Variants in CHFR observed in about 807,000 individuals in gnomAD.
The protein encoded by CHFR is checkpoint with forkhead and ring finger domains.
CHFR carries 57 observed loss-of-function variants against 87.6 expected under a neutral mutation model. The ratio of observed to expected loss-of-function variants is 0.65; its 90% confidence interval spans 0.53 to 0.81. The LOEUF (loss-of-function observed/expected upper bound fraction) is 0.81. CHFR is among the 30% of genes least tolerant of loss of function. CHFR has a pLI of 0.00. For missense variants in CHFR, 797 were observed against 865.8 expected (o/e 0.92, Z 1.00); for synonymous variants, 381 against 359.2 (o/e 1.06, Z -0.69).
Position 132,837,006 on chromosome 12 carries a change from G to A in CHFR, c.*4548C>T. On this transcript the variant is annotated 3_prime_UTR_variant, in exon 18 of 18. Coordinates refer to ENST00000450056, the MANE Select transcript of CHFR (RefSeq NM_001161346.2). The stretch of plus-strand genomic sequence containing the variant: ...TGCTGGGGGGAAACTAGACTGGCTG[G>A]CGGGGTGGGGGCAGCCCTGCAGGAG... The A allele has an allele frequency of 2.8e-6, 1 of 355,134 alleles. No individual in the cohort carries two copies. The highest frequency in any genetic ancestry group is 5.5e-6 in the Non-Finnish European group (1 of 180,864). 22.0% of individuals were successfully genotyped at this position (355,134 alleles called of 1,614,324 possible).
At chr12:132,877,129 G>A (rs1335036969) in intron 3 of CHFR, among the ~76,000 whole-genome samples, 3 of 151,908 alleles carry the variant, frequency 2.0e-5, no homozygotes, top group Non-Finnish European at 4.4e-5. Context: ...ACGCATATAC[G>A]ATAGGAGTCC....
chr12:132,858,201 TA>T (rs1417884326), intron 8 of CHFR, among the ~76,000 whole-genome samples: 1 of 151,860 alleles, frequency 6.6e-6, no homozygotes, highest in Non-Finnish European at 1.5e-5. Flanking sequence ...CTACTAAAAA[TA>T]CAAAAAAATT....
intron 2 of CHFR, 117 bp downstream of exon 2, chr12:132,887,079 G>T: frequency 2.4e-6 from 2 of 825,750 alleles, no homozygotes; most frequent in Non-Finnish European, 3.5e-6. Context: ...GTTCTTACAT[G>T]ACATTTCACT....
Position 132,869,757 on chromosome 12 carries a change from C to T in CHFR, c.445G>A (p.Val149Ile), listed in dbSNP as rs1951441794. 6.4e-7 allele frequency: 1 copy of T among 1,551,422 alleles called. No individual in the cohort carries two copies. The highest frequency in any genetic ancestry group is 8.7e-7 in the Non-Finnish European group (1 of 1,146,970). The change falls in exon 6 of 18, where the codon GTC becomes ATC. Residue 149 changes from valine to isoleucine, a missense_variant. Transcript: ENST00000450056. ...AGAGRGADPR[V>I]PPSSPATQVC... ...TGAGTGGCGGGCGACGACGGAGGGA[C>T]CCGGGGATCGGCCCCTCGCCCTGCA... is the stretch of plus-strand genomic sequence containing the variant.
intron 6 of CHFR, among the ~76,000 whole-genome samples, chr12:132,864,638 G>A (rs1017470238): frequency 5.9e-5 from 9 of 152,102 alleles, no homozygotes; most frequent in South Asian, 2.1e-4. Context: ...ACAGGCGCCC[G>A]CAACCACACT....
In CHFR at chr12:132,836,972, A is replaced by C; in HGVS notation, c.*4582T>G. The stretch of plus-strand genomic sequence containing the variant: ...GGTAAACAGATGTTTCCTTTCCGAT[A>C]GTGACAGGTGCTGGGGGGAAACTAG... On this transcript the variant is annotated 3_prime_UTR_variant, in exon 18 of 18. Transcript: ENST00000450056. 2.8e-6 allele frequency: 1 copy of C among 361,864 alleles called. No individual in the cohort carries two copies. The highest frequency in any genetic ancestry group is 2.1e-5 in the South Asian group (1 of 48,668). The allele number at this position is 361,864 out of a possible 1,614,324, so 22.4% of individuals were successfully genotyped here.
intron 3 of CHFR, among the ~76,000 whole-genome samples, chr12:132,875,902 C>T (rs1030142426): frequency 6.6e-6 from 1 of 151,700 alleles, no homozygotes; most frequent in African/African-American, 2.4e-5. Context: ...TGGCCGGGCG[C>T]GATGGCTCAC....
At chr12:132,843,996 T>G in intron 16 of CHFR, 31 bp downstream of exon 16, 2 of 1,394,316 alleles carry the variant, frequency 1.4e-6, no homozygotes, top group Non-Finnish European at 1.0e-6. Context: ...CAGACAGAAC[T>G]AGAGCCATGA....
intron 6 of CHFR, 47 bp from the exon 7 acceptor site, chr12:132,861,681 G>C (rs779770632): frequency 1.6e-5 from 26 of 1,579,280 alleles, no homozygotes; most frequent in Non-Finnish European, 1.6e-5. Flanking sequence ...TCCAGCTCAG[G>C]AGAGAACCAT....
At chr12:132,871,285 G>A (rs1023481254) in intron 4 of CHFR, among the ~76,000 whole-genome samples, 12 of 151,174 alleles carry the variant, frequency 7.9e-5, no homozygotes, top group African/African-American at 2.7e-4. Flanking sequence ...AACCCTGTCT[G>A]TACTAAAAAT....
At chr12:132,847,442 C>T in intron 14 of CHFR, 1 of 1,140,148 alleles carries the variant, frequency 8.8e-7, no homozygotes, top group African/African-American at 1.6e-5. Context: ...CACAGCCCAG[C>T]AACGAGCCCA....
chr12:132,855,290 T>C (rs991274323), intron 10 of CHFR, among the ~76,000 whole-genome samples: 2 of 149,074 alleles, frequency 1.3e-5, no homozygotes, highest in Non-Finnish European at 3.0e-5. Context: ...AGTTTGGTGG[T>C]GCATGCCTGT....
At chr12:132,873,173 G>A (rs1008891613) in intron 3 of CHFR, among the ~76,000 whole-genome samples, 19 of 152,194 alleles carry the variant, frequency 1.2e-4, no homozygotes, top group Non-Finnish European at 2.5e-4. Context: ...CCCCAGCAGT[G>A]GACAGAACTC....
At chr12:132,846,420 G>A (rs1033367827) in intron 15 of CHFR, among the ~76,000 whole-genome samples, 9 of 151,784 alleles carry the variant, frequency 5.9e-5, no homozygotes, top group African/African-American at 1.5e-4. Flanking sequence ...CCGCCACCAC[G>A]CCCGGCTAAT....
chr12:132,858,400 A>G (rs1471775742), intron 8 of CHFR, among the ~76,000 whole-genome samples: 26 of 151,506 alleles, frequency 1.7e-4, no homozygotes, highest in Admixed American at 1.6e-3. Flanking sequence ...CCCGGGCTAC[A>G]TGGCGAAACC....
chr12:132,866,349 A>G (rs1235583173), intron 6 of CHFR: 1 of 152,132 alleles, frequency 6.6e-6, no homozygotes, highest in African/African-American at 2.4e-5. Flanking sequence ...GTTACAACAC[A>G]CTGGAATGTT....
At position 132,835,694 on chromosome 12, in the gene CHFR, TTC is replaced by T. The variant is rs1431602410; in HGVS notation, c.*5858_*5859del. 4.0e-5 allele frequency: 9 copies of T among 227,664 alleles called. No individual in the cohort carries two copies. Among genetic ancestry groups the T allele is most frequent in the Non-Finnish European group, 8.0e-5 (9 of 112,358 alleles). 14.1% of individuals were successfully genotyped at this position (227,664 alleles called of 1,614,324 possible). ...GGCCCCAGAACTGTGAGAAAATACT[TTC>T]TGTTGTTTAAGCCGCCTGTTCTGCG... On this transcript the variant is annotated 3_prime_UTR_variant, in exon 18 of 18. Transcript: ENST00000450056.
In CHFR at chr12:132,869,627, G is replaced by T; in HGVS notation, c.575C>A (p.Ser192Tyr). 1.3e-6 allele frequency: 2 copies of T among 1,551,574 alleles called. No individual in the cohort carries two copies. The highest frequency in any genetic ancestry group is 1.7e-6 in the Non-Finnish European group (2 of 1,146,922). The change falls in exon 6 of 18, where the codon TCC becomes TAC. Residue 192 changes from serine to tyrosine, a missense_variant. Ser to Tyr is a moderately radical substitution (Grantham distance 144). Coordinates refer to ENST00000450056, the MANE Select transcript of CHFR (RefSeq NM_001161346.2). Reference protein sequence around the residue: ...EPSPAGRERSSSCGSGGGGIS... With the variant: ...EPSPAGRERSYSCGSGGGGIS... The stretch of plus-strand genomic sequence containing the variant: ...ATGAGATGTGACCTCACCACAACTG[G>T]AGGAACGCTCTCGCCCTGCAGGAGA...
chr12:132,864,137 T>C (rs1951277572), intron 6 of CHFR, among the ~76,000 whole-genome samples: 5 of 150,968 alleles, frequency 3.3e-5, no homozygotes, highest in Admixed American at 2.0e-4. Context: ...GCATAATACA[T>C]ATCTAGCTTA....
Sources: gnomAD v4.1 joint callset for allele counts (sites outside exome capture counted in the v4.1 genomes callset) on GRCh38, gnomAD v4.1.1 for gene constraint, MANE v1.5 for transcripts, NCBI Gene and HGNC (gene_info 2026-07-23, HGNC 2026-07-21) for gene names.